Variants in PRELID2 observed in about 807,000 individuals in gnomAD.
PRELID2 encodes the protein PRELI domain containing 2.
PRELID2 carries 25 observed loss-of-function variants against 28.4 expected under a neutral mutation model. The observed-to-expected ratio is 0.88, with a 90% CI of 0.64 to 1.23. The LOEUF (loss-of-function observed/expected upper bound fraction) is 1.23, where lower values mean the gene tolerates loss of function less well. Among genes scored for constraint, PRELID2 ranks in the 50% most tolerant of loss-of-function variants. PRELID2 has a pLI of 0.00. For missense variants in PRELID2, 201 were observed against 214.4 expected (o/e 0.94, Z 0.39); for synonymous variants, 76 against 71.6 (o/e 1.06, Z -0.31).
At chr5:145,719,114 G>T (rs1254735748) in intron 1 of PRELID2, among the ~76,000 whole-genome samples, 1 of 151,940 alleles carries the variant, frequency 6.6e-6, no homozygotes, top group African/African-American at 2.4e-5. Context: ...AAAACCACAG[G>T]AGACACAAAC....
At chr5:145,659,204 T>C (rs188159354) in intron 1 of PRELID2, among the ~76,000 whole-genome samples, 2 of 152,196 alleles carry the variant, frequency 1.3e-5, no homozygotes, top group Non-Finnish European at 2.9e-5. Flanking sequence ...TGTTATTCTC[T>C]AGATCACAGA....
chr5:145,730,916 G>C (rs546246691), intron 1 of PRELID2, among the ~76,000 whole-genome samples: 2 of 151,972 alleles, frequency 1.3e-5, no homozygotes, highest in South Asian at 4.2e-4. Flanking sequence ...CCTCCACCCA[G>C]AGACATTCCA....
intron 1 of PRELID2, among the ~76,000 whole-genome samples, chr5:145,502,228 G>T (rs1752365850): frequency 6.6e-6 from 1 of 152,080 alleles, no homozygotes. Context: ...GGCTGGAGCA[G>T]GAGGAAGAGA....
chr5:145,572,446 T>C (rs1753022940), intron 1 of PRELID2, among the ~76,000 whole-genome samples: 1 of 152,192 alleles, frequency 6.6e-6, no homozygotes, highest in Non-Finnish European at 1.5e-5. Context: ...TCCTAACTCA[T>C]AGGATTTTTT....
chr5:145,616,361 CCT>C (rs1160795056), intron 1 of PRELID2, among the ~76,000 whole-genome samples: 4 of 152,106 alleles, frequency 2.6e-5, no homozygotes, highest in Non-Finnish European at 5.9e-5. Context: ...TGCTCTTCTG[CCT>C]CAGGAATGCC....
At chr5:145,741,519 T>C (rs184545664) in intron 1 of PRELID2, among the ~76,000 whole-genome samples, 453 of 118,388 alleles carry the variant, frequency 3.8e-3, no homozygotes, top group African/African-American at 0.015. Context: ...TTATAAATAA[T>C]TTATTTATAT....
the PRELID2 span, among the ~76,000 whole-genome samples, chr5:145,401,594 G>A: frequency 1.3e-5 from 2 of 152,144 alleles, no homozygotes; most frequent in Non-Finnish European, 2.9e-5. Flanking sequence ...ATGTTAGCTT[G>A]TGTGAGGACT....
chr5:145,430,350 A>C, the PRELID2 span, among the ~76,000 whole-genome samples: 1 of 152,144 alleles, frequency 6.6e-6, no homozygotes. Context: ...TATAAAAAAG[A>C]TTTATTTCTT....
chr5:145,529,007 C>G (rs545065089), intron 1 of PRELID2, among the ~76,000 whole-genome samples: 15 of 152,286 alleles, frequency 9.8e-5, no homozygotes, highest in African/African-American at 3.6e-4. Context: ...ACATCTCCCT[C>G]CGTTTTCCCT....
At chr5:145,514,318 CAAAA>C (rs55760860) in intron 1 of PRELID2, among the ~76,000 whole-genome samples, 1 of 67,492 alleles carries the variant, frequency 1.5e-5, no homozygotes. Flanking sequence ...AAATGGAAAG[CAAAA>C]AAAAAAAAAA....
At chr5:145,567,912 T>C (rs1365577243) in intron 1 of PRELID2, among the ~76,000 whole-genome samples, 1 of 152,184 alleles carries the variant, frequency 6.6e-6, no homozygotes, top group Non-Finnish European at 1.5e-5. Flanking sequence ...ATAAATCTGA[T>C]GTTGGATAAA....
Position 145,485,507 on chromosome 5 carries a change from G to A in PRELID2, n.71-12192C>T, listed in dbSNP as rs150632463. 4.7e-3 allele frequency among the ~76,000 whole-genome samples: 716 copies of A among 152,316 alleles called. 4 individuals carry two copies. Among genetic ancestry groups the A allele is most frequent in the Admixed American group, 0.021 (314 of 15,300 alleles). Reference sequence around the variant, plus strand: ...TATGTAGAGCGTGTTTGCCTGCTCTGTTAACCACAAGTTACTCTTGGCTGT... The same window carrying A: ...TATGTAGAGCGTGTTTGCCTGCTCTATTAACCACAAGTTACTCTTGGCTGT... On this transcript the variant is annotated intron_variant and non_coding_transcript_variant, in intron 1 of 2. Coordinates refer to the PRELID2 transcript ENST00000510259.
Position 145,579,577 on chromosome 5 carries a change from C to T in PRELID2, n.71-106262G>A, listed in dbSNP as rs77209445. 7.2e-5 allele frequency among the ~76,000 whole-genome samples: 11 copies of T among 152,168 alleles called. No homozygotes were observed. In the East Asian group the frequency reaches 2.1e-3, roughly 29 times the overall value. On this transcript the variant is annotated intron_variant and non_coding_transcript_variant, in intron 1 of 2. Transcript: ENST00000510259. ...TATGTGGCCTGCATCCATTAAAAAT[C>T]AGAAAAAGCAAATAGAGTTGTCTGT...
At chr5:145,330,212 A>G in the PRELID2 span, among the ~76,000 whole-genome samples, 1 of 152,172 alleles carries the variant, frequency 6.6e-6, no homozygotes, top group Non-Finnish European at 1.5e-5. Flanking sequence ...GATGTTCATC[A>G]GGAATATTGA....
At chr5:145,438,251 A>G in the PRELID2 span, among the ~76,000 whole-genome samples, 1 of 152,102 alleles carries the variant, frequency 6.6e-6, no homozygotes, top group African/African-American at 2.4e-5. Context: ...TTAACATCAG[A>G]GATTTGGGGA....
At chr5:145,674,116 TATTAA>T (rs1341230458) in intron 1 of PRELID2, among the ~76,000 whole-genome samples, 2 of 152,160 alleles carry the variant, frequency 1.3e-5, no homozygotes, top group Non-Finnish European at 2.9e-5. Flanking sequence ...CCCTGCTTGG[TATTAA>T]GATGGTTTTT....
chr5:145,465,727 T>C, the PRELID2 span, among the ~76,000 whole-genome samples: 4 of 152,274 alleles, frequency 2.6e-5, no homozygotes, highest in East Asian at 1.9e-4. Context: ...GTGAGTGCTG[T>C]GCTAGTTAGT....
chr5:145,680,281 A>G (rs1754906618), intron 1 of PRELID2, among the ~76,000 whole-genome samples: 1 of 152,188 alleles, frequency 6.6e-6, no homozygotes, highest in Non-Finnish European at 1.5e-5. Context: ...AAGTCTATGG[A>G]AAGGAAAGAA....
chr5:145,620,283 A>G (rs190270494), intron 1 of PRELID2, among the ~76,000 whole-genome samples: 42 of 152,090 alleles, frequency 2.8e-4, no homozygotes, highest in African/African-American at 1.0e-3. Context: ...GTAAAACACC[A>G]AAAGCAAAGA....
Sources: allele counts gnomAD v4.1 joint callset (sites outside exome capture counted in the v4.1 genomes callset), GRCh38; gene constraint gnomAD v4.1.1; transcripts MANE v1.5; gene names NCBI Gene and HGNC (gene_info 2026-07-23, HGNC 2026-07-21).